The following CNTN6 variants were observed in gnomAD, a reference collection of about 807,000 sequenced individuals.
The protein encoded by CNTN6 is contactin 6, also known as contactin-6.
Under a neutral mutation model 122.8 loss-of-function variants are expected in CNTN6, and 137 were observed. The observed-to-expected ratio is 1.12, with a 90% CI of 0.97 to 1.29. CNTN6 has a LOEUF of 1.29. CNTN6 is among the 50% of genes most tolerant of loss of function. CNTN6 has a pLI of 0.00. For synonymous variants in CNTN6, 570 were observed against 426.0 expected (o/e 1.34, Z -4.16); for missense variants, 1,634 against 1,223.4 (o/e 1.34, Z -5.01).
At chr3:1,350,687 G>A (rs1476665510) in intron 11 of CNTN6, among the ~76,000 whole-genome samples, 1 of 151,612 alleles carries the variant, frequency 6.6e-6, no homozygotes, top group Admixed American at 6.6e-5. Flanking sequence ...ATAGACATTG[G>A]CATTGACTTA....
At chr3:1,274,577 C>T (rs932200296) in intron 4 of CNTN6, among the ~76,000 whole-genome samples, 1 of 152,090 alleles carries the variant, frequency 6.6e-6, no homozygotes, top group Non-Finnish European at 1.5e-5. Flanking sequence ...TGAACTCATA[C>T]TTTACATGGA....
intron 7 of CNTN6, among the ~76,000 whole-genome samples, chr3:1,313,866 CT>C (rs1699741293): frequency 6.6e-6 from 1 of 152,026 alleles, no homozygotes; most frequent in African/African-American, 2.4e-5. Context: ...GGGCTGATCT[CT>C]GGTTCATCTA....
chr3:1,227,623 T>A (rs1308169623), intron 3 of CNTN6, among the ~76,000 whole-genome samples, 195 bp from the exon 4 acceptor site: 1 of 152,148 alleles, frequency 6.6e-6, no homozygotes, highest in Non-Finnish European at 1.5e-5. Context: ...AGTACATCTT[T>A]CAAATAATCT....
chr3:1,125,706 T>C (rs1394182), intron 1 of CNTN6, among the ~76,000 whole-genome samples: 71,191 of 151,016 alleles, frequency 0.47, 17,043 homozygotes, highest in African/African-American at 0.54. Context: ...GCTAGAAGTG[T>C]TTCAAGTAAG....
At chr3:1,271,168 G>A (rs1210800555) in intron 4 of CNTN6, among the ~76,000 whole-genome samples, 2 of 152,190 alleles carry the variant, frequency 1.3e-5, no homozygotes, top group East Asian at 3.8e-4. Flanking sequence ...TGGAGCCATG[G>A]CGCCTTGTCT....
intron 2 of CNTN6, among the ~76,000 whole-genome samples, chr3:1,214,747 C>G (rs1159003924): frequency 4.6e-5 from 7 of 151,964 alleles, no homozygotes; most frequent in Non-Finnish European, 7.4e-5. Context: ...TCTGAGTTTT[C>G]TTTTTTACTC....
chr3:1,228,091 G>T, intron 4 of CNTN6, 98 bp downstream of exon 4: 1 of 1,177,622 alleles, frequency 8.5e-7, no homozygotes, highest in South Asian at 1.5e-5. Flanking sequence ...TGATATATTT[G>T]AGAATGAATA....
In CNTN6 at chr3:1,362,813, G is replaced by A. The variant is rs185684053; in HGVS notation, c.1493-9486G>A. Among the ~76,000 whole-genome samples the A allele has an allele frequency of 9.8e-4, 148 of 151,774 alleles. 2 individuals are homozygous for A. In the Middle Eastern group the frequency reaches 0.048, roughly 49 times the overall value. On this transcript the variant is annotated intron_variant, in intron 12 of 22. Transcript: ENST00000446702. ...ATAAGTATCCAATTCAAGAAATTAT[G>A]TGAGTCCCAATTCAGACAAATGCAA...
intron 1 of CNTN6, among the ~76,000 whole-genome samples, chr3:1,108,528 C>T (rs1434918729): frequency 2.6e-5 from 4 of 151,788 alleles, no homozygotes; most frequent in Admixed American, 6.6e-5. Flanking sequence ...GATCTTGAAG[C>T]GTTTCAGATT....
intron 1 of CNTN6, among the ~76,000 whole-genome samples, chr3:1,097,970 GC>G (rs1301997024): frequency 6.6e-6 from 1 of 151,906 alleles, no homozygotes; most frequent in Non-Finnish European, 1.5e-5. Flanking sequence ...TTAAAATAGA[GC>G]TCAGGAAAAA....
chr3:1,149,856 C>T (rs562256313), intron 2 of CNTN6, among the ~76,000 whole-genome samples: 31 of 152,238 alleles, frequency 2.0e-4, no homozygotes, highest in Non-Finnish European at 3.4e-4. Flanking sequence ...CATAGGATCT[C>T]TAAAAGACCT....
chr3:1,230,503 C>T (rs2094340268), intron 4 of CNTN6, among the ~76,000 whole-genome samples: 1 of 152,186 alleles, frequency 6.6e-6, no homozygotes, highest in Admixed American at 6.5e-5. Context: ...CTTATGGAAA[C>T]TCTCCTAGTT....
intron 8 of CNTN6, among the ~76,000 whole-genome samples, chr3:1,324,573 T>C (rs1701280742): frequency 6.7e-6 from 1 of 149,726 alleles, no homozygotes; most frequent in Non-Finnish European, 1.5e-5. Context: ...TAGATGACCA[T>C]GGATGGGAAC....
chr3:1,185,981 C>G (rs2093623204), intron 2 of CNTN6, among the ~76,000 whole-genome samples: 1 of 152,002 alleles, frequency 6.6e-6, no homozygotes, highest in Admixed American at 6.6e-5. Flanking sequence ...ATTAATTCAC[C>G]TACTACATCC....
chr3:1,158,758 A>G (rs568759704), intron 2 of CNTN6, among the ~76,000 whole-genome samples: 82 of 129,614 alleles, frequency 6.3e-4, no homozygotes, highest in African/African-American at 2.2e-3. Context: ...ATATATACAT[A>G]TATATACACA....
At chr3:1,330,209 C>G (rs1702101529) in intron 11 of CNTN6, among the ~76,000 whole-genome samples, 1 of 151,844 alleles carries the variant, frequency 6.6e-6, no homozygotes, top group Non-Finnish European at 1.5e-5. Flanking sequence ...TTTCTACATT[C>G]AGTTTGAAGG....
At chr3:1,392,498 A>G (rs1478806782) in intron 20 of CNTN6, among the ~76,000 whole-genome samples, 2 of 151,830 alleles carry the variant, frequency 1.3e-5, no homozygotes, top group African/African-American at 4.8e-5. Flanking sequence ...AGGCATGGGC[A>G]AGGACTTCAT....
At chr3:1,261,666 C>A (rs1378697134) in intron 4 of CNTN6, among the ~76,000 whole-genome samples, 1 of 152,090 alleles carries the variant, frequency 6.6e-6, no homozygotes, top group Non-Finnish European at 1.5e-5. Context: ...CAGGTAACTT[C>A]CTAAATGGGT....
At chr3:1,111,152 A>G (rs865842682) in intron 1 of CNTN6, among the ~76,000 whole-genome samples, 5 of 152,196 alleles carry the variant, frequency 3.3e-5, no homozygotes, top group Admixed American at 1.3e-4. Context: ...CAGCCAGTGT[A>G]GCATTATTGA....
Sources: gnomAD v4.1 joint callset for allele counts (sites outside exome capture counted in the v4.1 genomes callset) on GRCh38, gnomAD v4.1.1 for gene constraint, MANE v1.5 for transcripts, NCBI Gene and HGNC (gene_info 2026-07-23, HGNC 2026-07-21) for gene names.